GRM5: variants seen among roughly 807,000 people sequenced by gnomAD.
The protein encoded by GRM5 is glutamate metabotropic receptor 5, also known as metabotropic glutamate receptor 5.
In GRM5, 19 loss-of-function variants were observed where a neutral mutation model predicts 83.1. The ratio of observed to expected loss-of-function variants is 0.23; its 90% CI spans 0.16 to 0.34. The LOEUF (loss-of-function observed/expected upper bound fraction) is 0.34. Ranked by LOEUF, GRM5 falls within the 10% of genes least tolerant of loss-of-function variation. The pLI is 1.00. For synonymous variants in GRM5, 675 were observed against 633.6 expected (o/e 1.07, Z -0.98); for missense variants, 1,160 against 1,588.3 (o/e 0.73, Z 4.58).
At chr11:88,621,927 T>C (rs1460973451) in intron 4 of GRM5, among the ~76,000 whole-genome samples, 1 of 152,160 alleles carries the variant, frequency 6.6e-6, no homozygotes, top group Non-Finnish European at 1.5e-5. Flanking sequence ...TCATCTCTAA[T>C]ACAAGAGATT....
At chr11:88,948,285 A>C (rs1273072374) in intron 2 of GRM5, among the ~76,000 whole-genome samples, 1 of 152,194 alleles carries the variant, frequency 6.6e-6, no homozygotes, top group Non-Finnish European at 1.5e-5. Flanking sequence ...TTAATGAATC[A>C]GCTATTGGTA....
At chr11:88,716,656 G>A (rs1941406676) in intron 3 of GRM5, among the ~76,000 whole-genome samples, 1 of 151,904 alleles carries the variant, frequency 6.6e-6, no homozygotes, top group African/African-American at 2.4e-5. Flanking sequence ...ACTGTAAAGT[G>A]GCTTGCATGT....
Position 88,972,736 on chromosome 11 carries a change from CATCA to C in GRM5, c.661+74472_661+74475del, listed in dbSNP as rs1939205480. The stretch of plus-strand genomic sequence containing the variant: ...TTCACATAGTCTCAAAGTAACTTTC[CATCA>C]ATGCATAATGATTATTTATTGATAA... On this transcript the variant is annotated intron_variant, in intron 2 of 9. Coordinates refer to ENST00000305447, the MANE Select transcript of GRM5 (RefSeq NM_001143831.3). Among the ~76,000 whole-genome samples the C allele has an allele frequency of 2.0e-5, 3 of 152,050 alleles. No individual in the cohort carries two copies. In the South Asian group the frequency reaches 6.2e-4, roughly 32 times the overall value.
chr11:88,805,155 G>A (rs1943477300), intron 3 of GRM5, among the ~76,000 whole-genome samples: 1 of 152,022 alleles, frequency 6.6e-6, no homozygotes, highest in South Asian at 2.1e-4. Flanking sequence ...CAACTCATGA[G>A]TGCTGATATT....
At chr11:88,742,145 G>A (rs1942042300) in intron 3 of GRM5, among the ~76,000 whole-genome samples, 1 of 151,924 alleles carries the variant, frequency 6.6e-6, no homozygotes, top group African/African-American at 2.4e-5. Context: ...TAATAATAGG[G>A]ATTAGAGCTG....
In GRM5 at chr11:88,792,608, T is replaced by TA. The variant is rs563251228; in HGVS notation, c.911+57297dup. 1.6e-4 allele frequency among the ~76,000 whole-genome samples: 25 copies of TA among 152,182 alleles called. 1 individual carries two copies. The South Asian group carries it at 3.9e-3, about 24-fold the overall frequency. ...AAAGCTCCAGCTTACTTCTCCATTGTAAAAAAAGTTATCTTAAAGATGGGA... is the reference window on the plus strand; with the variant it reads ...AAAGCTCCAGCTTACTTCTCCATTGTAAAAAAAAGTTATCTTAAAGATGGGA... On this transcript the variant is annotated intron_variant, in intron 3 of 9. Coordinates refer to ENST00000305447, the MANE Select transcript of GRM5 (RefSeq NM_001143831.3).
At chr11:88,650,629 G>A (rs372789420) in intron 4 of GRM5, among the ~76,000 whole-genome samples, 12 of 152,072 alleles carry the variant, frequency 7.9e-5, no homozygotes, top group African/African-American at 2.9e-4. Context: ...AGAAACTAGG[G>A]TCAAAAGTAG....
At chr11:89,044,512 T>C (rs1228158622) in intron 2 of GRM5, among the ~76,000 whole-genome samples, 1 of 152,154 alleles carries the variant, frequency 6.6e-6, no homozygotes, top group African/African-American at 2.4e-5. Context: ...GAACATCTTG[T>C]GGTACCCGTG....
Position 88,893,813 on chromosome 11 carries a change from A to C in GRM5, c.662-43658T>G, listed in dbSNP as rs183899172. Among the ~76,000 whole-genome samples the C allele has an allele frequency of 2.3e-4, 35 of 152,130 alleles. No homozygotes were observed. The East Asian group carries it at 5.2e-3, about 23-fold the overall frequency. ...CCCTTTTCAGCAGGAAGTAGCCAGAAAGAGTCATCATCCAACACCCCTTAA... is the reference window on the plus strand; with the variant it reads ...CCCTTTTCAGCAGGAAGTAGCCAGACAGAGTCATCATCCAACACCCCTTAA... On this transcript the variant is annotated intron_variant, in intron 2 of 9. Transcript: ENST00000305447.
At chr11:88,888,626 G>GT (rs1056780548) in intron 2 of GRM5, among the ~76,000 whole-genome samples, 69 of 151,816 alleles carry the variant, frequency 4.5e-4, no homozygotes, top group African/African-American at 1.4e-3. Flanking sequence ...AAAGGTAAAA[G>GT]TTTTTTTTTA....
chr11:88,724,549 A>T (rs1435383076), intron 3 of GRM5, among the ~76,000 whole-genome samples: 1 of 152,176 alleles, frequency 6.6e-6, no homozygotes, highest in Admixed American at 6.5e-5. Flanking sequence ...GTGATGGGGC[A>T]TTGTAATATA....
At chr11:88,786,609 C>T (rs1943073192) in intron 3 of GRM5, among the ~76,000 whole-genome samples, 1 of 152,078 alleles carries the variant, frequency 6.6e-6, no homozygotes, top group African/African-American at 2.4e-5. Context: ...AGAGCTCTTT[C>T]CATAGGTACC....
intron 2 of GRM5, among the ~76,000 whole-genome samples, chr11:88,919,870 A>C (rs115828155): frequency 0.039 from 5,879 of 152,140 alleles, 189 homozygotes; most frequent in African/African-American, 0.079. Flanking sequence ...GAAAATGCAA[A>C]ATCCCAAAAT....
intron 2 of GRM5, among the ~76,000 whole-genome samples, chr11:88,987,260 G>A (rs903346540): frequency 6.6e-6 from 1 of 152,144 alleles, no homozygotes; most frequent in Non-Finnish European, 1.5e-5. Flanking sequence ...ACGGCACCTG[G>A]AAAATCGGGT....
intron 4 of GRM5, among the ~76,000 whole-genome samples, chr11:88,643,130 T>C (rs971967926): frequency 6.6e-6 from 1 of 152,148 alleles, no homozygotes; most frequent in South Asian, 2.1e-4. Context: ...CTGCAGGCTG[T>C]GCAGGAAGCA....
chr11:88,910,845 ATT>A (rs5793356), intron 2 of GRM5, among the ~76,000 whole-genome samples: 13 of 151,062 alleles, frequency 8.6e-5, no homozygotes, highest in Middle Eastern at 3.4e-3. Flanking sequence ...TGTAGAACGT[ATT>A]TTTTTTTTGT....
At chr11:88,722,523 C>T (rs1389132372) in intron 3 of GRM5, among the ~76,000 whole-genome samples, 2 of 152,146 alleles carry the variant, frequency 1.3e-5, no homozygotes, top group Non-Finnish European at 2.9e-5. Flanking sequence ...TGCAGCTGCT[C>T]TACTTCCTAG....
chr11:88,779,921 C>A (rs1311193361), intron 3 of GRM5, among the ~76,000 whole-genome samples: 1 of 152,140 alleles, frequency 6.6e-6, no homozygotes, highest in African/African-American at 2.4e-5. Context: ...TGGATTAGTG[C>A]CCCATCTCCC....
intron 2 of GRM5, among the ~76,000 whole-genome samples, chr11:88,876,435 G>C (rs556478484): frequency 1.1e-4 from 17 of 152,182 alleles, no homozygotes; most frequent in African/African-American, 3.9e-4. Context: ...CTGCAATAAG[G>C]CTATATCAGA....
Sources: gnomAD v4.1 joint callset for allele counts (sites outside exome capture counted in the v4.1 genomes callset) on GRCh38, gnomAD v4.1.1 for gene constraint, MANE v1.5 for transcripts, NCBI Gene and HGNC (gene_info 2026-07-23, HGNC 2026-07-21) for gene names.